LAMA3: variants seen among roughly 807,000 people sequenced by gnomAD.
The protein encoded by LAMA3 is laminin subunit alpha 3.
LAMA3 carries 281 observed loss-of-function variants against 402.0 expected under a neutral mutation model. The ratio of observed to expected loss-of-function variants is 0.70; its 90% CI spans 0.63 to 0.77. The LOEUF (loss-of-function observed/expected upper bound fraction) is 0.77. Ranked by LOEUF, LAMA3 falls within the 30% of genes least tolerant of loss-of-function variation. The pLI is 0.00. For synonymous variants in LAMA3, 1,431 were observed against 1,558.4 expected (o/e 0.92, Z 1.93); for missense variants, 3,840 against 4,215.5 (o/e 0.91, Z 2.47).
At chr18:23,777,498 G>T in intron 10 of LAMA3, 59 bp from the exon 11 acceptor site, 4 of 1,194,432 alleles carry the variant, frequency 3.3e-6, no homozygotes, top group Middle Eastern at 2.1e-4. Flanking sequence ...ACAACTTAAT[G>T]TTTTACTTTA....
chr18:23,834,278 A>G (rs1488846598), intron 24 of LAMA3: 3 of 396,948 alleles, frequency 7.6e-6, no homozygotes, highest in Non-Finnish European at 1.4e-5. Context: ...ATTCTCTATC[A>G]CTCAGGTGCG....
chr18:23,728,393 GT>G (rs1404705038), intron 2 of LAMA3, among the ~76,000 whole-genome samples: 1 of 151,834 alleles, frequency 6.6e-6, no homozygotes, highest in East Asian at 1.9e-4. Flanking sequence ...TATCCCAGCT[GT>G]TTCATCCTAA....
chr18:23,720,918 AG>A (rs2061200565), intron 2 of LAMA3, among the ~76,000 whole-genome samples: 1 of 152,134 alleles, frequency 6.6e-6, no homozygotes, highest in Non-Finnish European at 1.5e-5. Context: ...GCACTTTGGG[AG>A]GCCAAGGTGG....
At chr18:23,867,426 G>A (rs2064385945) in intron 36 of LAMA3, among the ~76,000 whole-genome samples, 1 of 151,818 alleles carries the variant, frequency 6.6e-6, no homozygotes, top group Non-Finnish European at 1.5e-5. Context: ...GTGAGCACCT[G>A]TAATCCTAGC....
In LAMA3 at chr18:23,758,618, G is replaced by A. The variant is rs1432565962; in HGVS notation, c.1063+107G>A. 2.0e-5 allele frequency: 16 copies of A among 800,150 alleles called. No individual in the cohort carries two copies. In the East Asian group the frequency reaches 4.0e-4, roughly 20 times the overall value. The allele number at this position is 800,150 out of a possible 1,614,324, so 49.6% of individuals were successfully genotyped here. A position where few individuals can be genotyped will look rare whatever the true frequency, so the allele number is the denominator to read the frequency against. On this transcript the variant is annotated intron_variant, in intron 7 of 74. Coordinates refer to ENST00000313654, the MANE Select transcript of LAMA3 (RefSeq NM_198129.4). ...GAGAAGAGGCTGTGGTCATGTCAGT[G>A]TTAGGGGCTCAAGTCTGTCTATTGT...
intron 20 of LAMA3, among the ~76,000 whole-genome samples, chr18:23,823,113 A>G (rs1191052759): frequency 6.6e-6 from 1 of 152,206 alleles, no homozygotes; most frequent in African/African-American, 2.4e-5. Context: ...GGGGGAAGAA[A>G]TGATGTCATT....
At chr18:23,835,432 A>G (rs1363687444) in intron 24 of LAMA3, among the ~76,000 whole-genome samples, 2 of 152,218 alleles carry the variant, frequency 1.3e-5, no homozygotes, top group African/African-American at 4.8e-5. Context: ...TCTGGGCACC[A>G]TGGGTGTTGT....
intron 11 of LAMA3, among the ~76,000 whole-genome samples, chr18:23,782,382 C>G (rs1385219643): frequency 1.3e-5 from 2 of 152,020 alleles, no homozygotes; most frequent in African/African-American, 2.4e-5. Flanking sequence ...ATGGTGAAAC[C>G]TTGTCTCTAC....
chr18:23,690,825 G>T (rs2060572224), intron 1 of LAMA3, among the ~76,000 whole-genome samples: 1 of 149,804 alleles, frequency 6.7e-6, no homozygotes, highest in Admixed American at 6.7e-5. Flanking sequence ...CGCCGGGGCT[G>T]AAATGCAATG....
At position 23,839,711 on chromosome 18, in the gene LAMA3, T is replaced by C. The variant is rs112105470; in HGVS notation, c.3192-74T>C. ...CATGCAGTCCTATGCTCCAAGTCTGTCTCTTCACTGATGGTCAGTTCTGTA... is the reference window on the plus strand; with the variant it reads ...CATGCAGTCCTATGCTCCAAGTCTGCCTCTTCACTGATGGTCAGTTCTGTA... On this transcript the variant is annotated intron_variant, in intron 26 of 74. Coordinates refer to ENST00000313654, the MANE Select transcript of LAMA3 (RefSeq NM_198129.4). The surrounding 1 kb of genome is among the most constrained non-coding windows in gnomAD (Gnocchi z 4.5). 3.0e-4 allele frequency: 452 copies of C among 1,522,366 alleles called. 1 individual carries two copies. The African/African-American group carries it at 4.7e-3, about 16-fold the overall frequency. The allele number at this position is 1,522,366 out of a possible 1,614,324, so 94.3% of individuals were successfully genotyped here. A position where few individuals can be genotyped will look rare whatever the true frequency, so the allele number is the denominator to read the frequency against.
intron 7 of LAMA3, among the ~76,000 whole-genome samples, chr18:23,761,810 A>C (rs1048706381): frequency 6.6e-6 from 1 of 152,258 alleles, no homozygotes; most frequent in Non-Finnish European, 1.5e-5. Context: ...TTTTGAATTA[A>C]TACTATTTAA....
chr18:23,692,874 A>C (rs60464408), intron 1 of LAMA3, among the ~76,000 whole-genome samples: 71,064 of 151,900 alleles, frequency 0.47, 18,939 homozygotes, highest in Non-Finnish European at 0.61. Flanking sequence ...TCCAGTTTGA[A>C]TTGATACTAG....
At chr18:23,707,144 T>G (rs12954712) in intron 1 of LAMA3, among the ~76,000 whole-genome samples, 74,207 of 152,094 alleles carry the variant, frequency 0.49, 19,831 homozygotes, top group Non-Finnish European at 0.61. Context: ...GTTCAGCTGG[T>G]TGATTCTTCT....
chr18:23,890,701 T>C (rs557331010), intron 42 of LAMA3, among the ~76,000 whole-genome samples: 7 of 152,338 alleles, frequency 4.6e-5, no homozygotes, highest in South Asian at 2.1e-4. Context: ...ATTGATGTAG[T>C]GTGACACCAA....
chr18:23,861,800 G>A lies in LAMA3; in HGVS notation c.4577G>A (p.Gly1526Glu). 6.2e-7 allele frequency: 1 copy of A among 1,612,570 alleles called. No individual in the cohort carries two copies. Among genetic ancestry groups the A allele is most frequent in the Non-Finnish European group, 8.5e-7 (1 of 1,179,250 alleles). ...TGGGTCGCACCCACCTCCTACCTGG[G>A]GGACAAGGTAATGATGTCCTGCTGT... ...ASWVAPTSYL[G>E]DKVSSYGGYL... is the part of the protein sequence containing the mutation. Residue 1526 changes from glycine to glutamate, a missense_variant, in exon 35 of 75, where the codon GGG becomes GAG. Around this residue, in one of 3 missense-constraint regions of LAMA3, gnomAD observed 2,109 missense variants for 2,376.0 expected, o/e 0.89. Coordinates refer to ENST00000313654, the MANE Select transcript of LAMA3 (RefSeq NM_198129.4).
At chr18:23,798,577 C>A (rs2062811243) in intron 12 of LAMA3, among the ~76,000 whole-genome samples, 1 of 152,176 alleles carries the variant, frequency 6.6e-6, no homozygotes, top group East Asian at 1.9e-4. Context: ...AACCAGAGAC[C>A]ACTGGGCTGG....
At chr18:23,950,186 A>G in intron 72 of LAMA3, 27 bp downstream of exon 72, 1 of 1,613,440 alleles carries the variant, frequency 6.2e-7, no homozygotes, top group Non-Finnish European at 8.5e-7. Flanking sequence ...TGCCATGGGG[A>G]GGGTCTGTAG....
At chr18:23,907,430 C>T (rs1211291973) in intron 52 of LAMA3, 120 bp from the exon 53 acceptor site, 2 of 792,776 alleles carry the variant, frequency 2.5e-6, no homozygotes, top group African/African-American at 3.4e-5. Context: ...TCTGAGGTGA[C>T]CCCTAAGAAG....
intron 12 of LAMA3, among the ~76,000 whole-genome samples, chr18:23,805,742 G>T (rs1598828607): frequency 6.6e-6 from 1 of 152,176 alleles, no homozygotes; most frequent in South Asian, 2.1e-4. Context: ...CTAATAGAAA[G>T]AATAGAAAGA....
Sources: gnomAD v4.1 joint callset for allele counts (sites outside exome capture counted in the v4.1 genomes callset) on GRCh38, gnomAD v4.1.1 for gene constraint, gnomAD v4.1.1 regional missense constraint, Gnocchi (gnomAD v3.1) non-coding constraint, MANE v1.5 for transcripts, NCBI Gene and HGNC (gene_info 2026-07-23, HGNC 2026-07-21) for gene names.